FHIP1A: variants seen among roughly 807,000 people sequenced by gnomAD.
The protein encoded by FHIP1A is FHF complex subunit HOOK-interacting protein 1A.
FHIP1A carries 61 observed loss-of-function variants against 88.6 expected under a neutral mutation model. The observed-to-expected ratio is 0.69, with a 90% CI of 0.56 to 0.85. The LOEUF (loss-of-function observed/expected upper bound fraction) is 0.85. Ranked by LOEUF, FHIP1A falls within the 40% of genes least tolerant of loss-of-function variation. The probability of loss-of-function intolerance (pLI) is 0.00; values close to 1 mark genes in which losing one functional copy is unlikely to be tolerated. For missense variants in FHIP1A, 1,154 were observed against 1,273.5 expected (o/e 0.91, Z 1.43); for synonymous variants, 478 against 496.0 (o/e 0.96, Z 0.48).
At chr4:151,548,226 G>A (rs1366749486) in intron 3 of FHIP1A, among the ~76,000 whole-genome samples, 1 of 152,096 alleles carries the variant, frequency 6.6e-6, no homozygotes, top group African/African-American at 2.4e-5. Flanking sequence ...CAAACCCCTG[G>A]TCTAGTGTTG....
chr4:151,545,038 G>A (rs1732438309), intron 3 of FHIP1A, among the ~76,000 whole-genome samples: 1 of 152,182 alleles, frequency 6.6e-6, no homozygotes, highest in Non-Finnish European at 1.5e-5. Flanking sequence ...TCATGCCACT[G>A]CACTCCAGCC....
At chr4:151,482,278 A>G (rs1729922254) in intron 2 of FHIP1A, among the ~76,000 whole-genome samples, 1 of 152,044 alleles carries the variant, frequency 6.6e-6, no homozygotes, top group Non-Finnish European at 1.5e-5. Flanking sequence ...CTCTTATAAG[A>G]TGGAAGAATC....
rs73862063 is a variant in FHIP1A, at chr4:151,573,173, A to G, written c.106-4277A>G. ...CTATAAATTCGATATTTTTAAGAGCATTGTTCACACTGTTGATTTTTATGT... is the reference window on the plus strand; with the variant it reads ...CTATAAATTCGATATTTTTAAGAGCGTTGTTCACACTGTTGATTTTTATGT... On this transcript the variant is annotated intron_variant, in intron 4 of 13. Coordinates refer to ENST00000435205, the MANE Select transcript of FHIP1A (RefSeq NM_001109977.3). 7.9e-3 allele frequency among the ~76,000 whole-genome samples: 1,203 copies of G among 152,266 alleles called. 10 individuals carry two copies. Among genetic ancestry groups the G allele is most frequent in the African/African-American group, 0.028 (1,155 of 41,552 alleles).
rs1185925343 is a variant in FHIP1A at position 151,662,681 on chromosome 4, T to A, written c.3050T>A (p.Leu1017Gln). ...CTCTTCCCAGAGTTCCTGAAGGAGC[T>A]GGCGGCCTTGGCCCAGGAACACTCC... ...AALFPEFLKE[L>Q]AALAQEHSIL... is the part of the protein sequence containing the mutation. The change falls in exon 14 of 14, where the codon CTG (leucine) becomes CAG (glutamine). Residue 1017 changes from leucine (L) to glutamine (Q), a missense_variant. By Grantham distance (113) the Leu-to-Gln change is moderately radical. Transcript: ENST00000435205. 1.4e-5 allele frequency: 22 copies of A among 1,550,618 alleles called. No homozygotes were observed. Among genetic ancestry groups the A allele is most frequent in the Non-Finnish European group, 1.9e-5 (22 of 1,146,832 alleles).
At chr4:151,572,518 A>G (rs905286180) in intron 4 of FHIP1A, among the ~76,000 whole-genome samples, 1 of 152,226 alleles carries the variant, frequency 6.6e-6, no homozygotes, top group Non-Finnish European at 1.5e-5. Context: ...AAACAGATGC[A>G]CAAGGAACAC....
intron 3 of FHIP1A, among the ~76,000 whole-genome samples, chr4:151,526,230 A>G (rs1731629346): frequency 6.6e-6 from 1 of 152,092 alleles, no homozygotes; most frequent in Non-Finnish European, 1.5e-5. Context: ...TATTCCACAA[A>G]ACCGCCATTG....
At chr4:151,495,600 A>C (rs1199771337) in intron 3 of FHIP1A, among the ~76,000 whole-genome samples, 1 of 148,586 alleles carries the variant, frequency 6.7e-6, no homozygotes, top group Non-Finnish European at 1.5e-5. Flanking sequence ...AGTGATTTTT[A>C]TTATCTTTTT....
intron 3 of FHIP1A, among the ~76,000 whole-genome samples, chr4:151,499,107 T>A (rs1344964051): frequency 6.6e-6 from 1 of 152,226 alleles, no homozygotes; most frequent in Non-Finnish European, 1.5e-5. Context: ...AATGTGTATC[T>A]ATATTTTGGG....
At chr4:151,422,951 A>C (rs1733231427) in intron 1 of FHIP1A, among the ~76,000 whole-genome samples, 1 of 152,182 alleles carries the variant, frequency 6.6e-6, no homozygotes, top group Non-Finnish European at 1.5e-5. Flanking sequence ...TATTAATATG[A>C]AGAGGGAATC....
intron 2 of FHIP1A, among the ~76,000 whole-genome samples, chr4:151,478,268 A>G (rs1351385185): frequency 6.6e-6 from 1 of 152,198 alleles, no homozygotes; most frequent in Non-Finnish European, 1.5e-5. Context: ...TGTAAAAAAC[A>G]TTTATACAAG....
rs1388275083 is a variant in FHIP1A at position 151,656,286 on chromosome 4, T to C, written c.2606T>C (p.Leu869Ser). 1 of 1,551,678 alleles carries C rather than the reference T, an allele frequency of 6.4e-7. No individual in the cohort carries two copies. The highest frequency in any genetic ancestry group is 1.4e-5 in the African/African-American group (1 of 73,152). ...SKLENMLENS[L>S]HVNLLLIGII... is the part of the protein sequence containing the mutation. The stretch of plus-strand genomic sequence containing the variant: ...CTGGAGAACATGCTGGAGAACTCTT[T>C]ACATGTTAATTTGCTGCTTATCGGG... Residue 869 changes from leucine (L) to serine (S), a missense_variant, in exon 12 of 14, where the codon TTA becomes TCA. By Grantham distance (145) the Leu-to-Ser change is moderately radical. Coordinates refer to ENST00000435205, the MANE Select transcript of FHIP1A (RefSeq NM_001109977.3). The surrounding 1 kb of genome is among the most constrained non-coding windows in gnomAD (Gnocchi z 4.2).
chr4:151,578,046 T>C lies in FHIP1A; in HGVS notation c.702T>C (p.His234=). 1.3e-6 allele frequency: 2 copies of C among 1,551,066 alleles called. No homozygotes were observed. Among genetic ancestry groups the C allele is most frequent in the Middle Eastern group, 1.7e-4 (1 of 5,984 alleles). ...CTGCTGAGAACACCATGGTGGCCCA[T>C]CACATCGTGGAGAACACCTACTTTT... ...SLSAENTMVA[H]HIVENTYFCP... is the part of the protein sequence containing the mutation. Residue 234 remains histidine (H), a synonymous_variant, in exon 5 of 14, where the codon CAT becomes CAC. Coordinates refer to ENST00000435205, the MANE Select transcript of FHIP1A (RefSeq NM_001109977.3).
At chr4:151,553,578 A>G (rs1732828171) in intron 3 of FHIP1A, among the ~76,000 whole-genome samples, 1 of 152,316 alleles carries the variant, frequency 6.6e-6, no homozygotes, top group South Asian at 2.1e-4. Context: ...ATTACTAACC[A>G]GTTGGAATTG....
chr4:151,658,193 C>G (rs960962486), intron 13 of FHIP1A, among the ~76,000 whole-genome samples: 1 of 152,220 alleles, frequency 6.6e-6, no homozygotes, highest in African/African-American at 2.4e-5. Context: ...TGTGTTCCTC[C>G]TGAACAGGGC....
At chr4:151,601,503 A>G (rs1734865884) in intron 7 of FHIP1A, among the ~76,000 whole-genome samples, 1 of 151,588 alleles carries the variant, frequency 6.6e-6, no homozygotes, top group African/African-American at 2.4e-5. Flanking sequence ...TTTATAGCTT[A>G]TAGTTACTGC....
In FHIP1A at chr4:151,656,862, G is replaced by A. The variant is rs1357502258; in HGVS notation, c.2833G>A (p.Asp945Asn). 5.8e-6 allele frequency: 9 copies of A among 1,551,530 alleles called. No individual in the cohort carries two copies. The highest frequency in any genetic ancestry group is 7.8e-6 in the Non-Finnish European group (9 of 1,146,976). The change falls in exon 13 of 14, where the codon GAC (aspartate) becomes AAC (asparagine). Residue 945 changes from aspartate to asparagine, a missense_variant. By Grantham distance (23) the Asp-to-Asn change is conservative. Transcript: ENST00000435205. The surrounding 1 kb of genome is among the most constrained non-coding windows in gnomAD (Gnocchi z 4.2). ...TCAGCAGTACCTGCTCTTCCGTGTG[G>A]ACATGTCTGATATGACCCCTGCAGC... ...QAQQYLLFRV[D>N]MSDMTPAALT...
Position 151,662,765 on chromosome 4 carries a change from T to TC in FHIP1A, c.*11_*12insC, listed in dbSNP as rs1560829790. On this transcript the variant is annotated 3_prime_UTR_variant, in exon 14 of 14. Transcript: ENST00000435205. ...GACTCCTGCTGTTAGCTTTTTTTTT[T>TC]TTTTTTAATAGAGGTTCTTGTTTTG... 6 of 1,476,586 alleles carry TC rather than the reference T, an allele frequency of 4.1e-6. No individual in the cohort carries two copies. Among genetic ancestry groups the TC allele is most frequent in the Admixed American group, 2.9e-5 (1 of 33,958 alleles). 91.5% of individuals were successfully genotyped at this position (1,476,586 alleles called of 1,614,324 possible).
Position 151,443,159 on chromosome 4 carries a change from G to A in FHIP1A, c.-355-11542G>A, listed in dbSNP as rs76618862. On this transcript the variant is annotated intron_variant, in intron 1 of 13. Coordinates refer to ENST00000435205, the MANE Select transcript of FHIP1A (RefSeq NM_001109977.3). ...GTGTGGTGGAGCAAATCACTTGGGCGTGGTGGTGTGCTTCTGTAGTCCCAG... is the reference window on the plus strand; with the variant it reads ...GTGTGGTGGAGCAAATCACTTGGGCATGGTGGTGTGCTTCTGTAGTCCCAG... Among the ~76,000 whole-genome samples, 396 of 152,192 alleles carry A rather than the reference G, an allele frequency of 2.6e-3. 1 individual carries two copies. Among genetic ancestry groups the A allele is most frequent in the African/African-American group, 9.1e-3 (378 of 41,534 alleles).
At position 151,649,460 on chromosome 4, in the gene FHIP1A, G is replaced by A; in HGVS notation, c.1419G>A (p.Gly473=). ...LWSKCMHDTS[G]PVERPFPEAF... ...AACCAGCCTCTGCCTCCTGTGCAGGGCCTGTGGAGCGGCCATTCCCCGAAG... is the reference window on the plus strand; with the variant it reads ...AACCAGCCTCTGCCTCCTGTGCAGGACCTGTGGAGCGGCCATTCCCCGAAG... Residue 473 remains glycine, a splice_region_variant and synonymous_variant, in exon 11 of 14, where the codon GGG becomes GGA. Coordinates refer to ENST00000435205, the MANE Select transcript of FHIP1A (RefSeq NM_001109977.3). 6.5e-7 allele frequency: 1 copy of A among 1,544,408 alleles called. No homozygotes were observed. The highest frequency in any genetic ancestry group is 1.2e-5 in the South Asian group (1 of 82,086).
Sources: gnomAD v4.1 joint callset for allele counts (sites outside exome capture counted in the v4.1 genomes callset) on GRCh38, gnomAD v4.1.1 for gene constraint, Gnocchi (gnomAD v3.1) non-coding constraint, MANE v1.5 for transcripts, NCBI Gene and HGNC (gene_info 2026-07-23, HGNC 2026-07-21) for gene names.